The following LRRTM4 variants were observed in gnomAD, a reference collection of about 807,000 sequenced individuals.
The protein encoded by LRRTM4 is leucine-rich repeat transmembrane neuronal protein 4.
A neutral mutation model predicts 47.6 loss-of-function variants in LRRTM4; 25 were observed. The ratio of observed to expected loss-of-function variants is 0.53; its 90% CI spans 0.38 to 0.73. The LOEUF is 0.73. Ranked by LOEUF, LRRTM4 falls within the 30% of genes least tolerant of loss-of-function variation. The pLI, the probability that LRRTM4 is intolerant of heterozygous loss-of-function variation, is 0.00. For missense variants in LRRTM4, 638 were observed against 713.4 expected, an observed-to-expected ratio of 0.89 and a Z score of 1.20; for synonymous variants, 311 against 269.5, an observed-to-expected ratio of 1.15 and a Z score of -1.51.
At chr2:76,781,200 C>A (rs937916779) in intron 3 of LRRTM4, among the ~76,000 whole-genome samples, 1 of 152,256 alleles carries the variant, frequency 6.6e-6, no homozygotes, top group Non-Finnish European at 1.5e-5. Flanking sequence ...TTACTGCTGT[C>A]TTTTTGTTTG....
rs191260396 is a variant in LRRTM4 at position 76,926,432 on chromosome 2, T to C, written c.1552-177516A>G. On this transcript the variant is annotated intron_variant, in intron 3 of 3. Transcript: ENST00000409884. ...TCATCCTCTAATGAAAGTCTATCAT[T>C]GCCTATTTTGTATATGACAAGGAGA... is the stretch of plus-strand genomic sequence containing the variant. Among the ~76,000 whole-genome samples the C allele has an allele frequency of 2.6e-5, 4 of 152,274 alleles. No individual in the cohort carries two copies. The East Asian group carries it at 7.7e-4, about 29-fold the overall frequency.
At chr2:76,842,368 T>C (rs1265916465) in intron 3 of LRRTM4, among the ~76,000 whole-genome samples, 1 of 152,162 alleles carries the variant, frequency 6.6e-6, no homozygotes, top group African/African-American at 2.4e-5. Context: ...ATCATGTAAG[T>C]CAATAGCTTA....
At chr2:77,428,234 T>C (rs746502742) in intron 3 of LRRTM4, among the ~76,000 whole-genome samples, 1 of 152,138 alleles carries the variant, frequency 6.6e-6, no homozygotes, top group Non-Finnish European at 1.5e-5. Context: ...TACCTAGTCT[T>C]GGGCAGTTGT....
At chr2:76,885,614 C>G (rs1573256399) in intron 3 of LRRTM4, among the ~76,000 whole-genome samples, 1 of 151,952 alleles carries the variant, frequency 6.6e-6, no homozygotes, top group South Asian at 2.1e-4. Flanking sequence ...AAGCGCCCAC[C>G]GCCACCACGT....
At position 77,480,783 on chromosome 2, in the gene LRRTM4, G is replaced by GCAGTGTGTGTGTGTGTGTGTGTGT. The variant is rs199521864; in HGVS notation, c.1551+37534_1551+37535insACACACACACACACACACACACTG. Among the ~76,000 whole-genome samples, 3 of 97,108 alleles carry GCAGTGTGTGTGTGTGTGTGTGTGT rather than the reference G, an allele frequency of 3.1e-5. 1 individual carries two copies. The highest frequency in any genetic ancestry group is 1.2e-4 in the African/African-American group (3 of 24,202). The allele number at this position is 97,108 out of a possible 152,430, so 63.7% of individuals were successfully genotyped here. A position where few individuals can be genotyped will look rare whatever the true frequency, so the allele number is the denominator to read the frequency against. ...AAACTTGCTATGTGTGGCTGTTTTAGGAGTGTGTGTGTGTGTGTGTGTGTG... is the reference window on the plus strand; with the variant it reads ...AAACTTGCTATGTGTGGCTGTTTTAGCAGTGTGTGTGTGTGTGTGTGTGTGAGTGTGTGTGTGTGTGTGTGTGTG... On this transcript the variant is annotated intron_variant, in intron 3 of 3. Transcript: ENST00000409884.
intron 3 of LRRTM4, among the ~76,000 whole-genome samples, chr2:77,247,794 A>T (rs1004223457): frequency 5.3e-5 from 8 of 152,000 alleles, no homozygotes; most frequent in Non-Finnish European, 7.4e-5. Context: ...TAATAAAAGA[A>T]GTTTCACATA....
chr2:77,237,092 A>C (rs1341302845), intron 3 of LRRTM4, among the ~76,000 whole-genome samples: 1 of 151,138 alleles, frequency 6.6e-6, no homozygotes, highest in Non-Finnish European at 1.5e-5. Flanking sequence ...TCTTTTGAAT[A>C]GTTACAGTAG....
chr2:76,773,705 A>C (rs1412238387), intron 3 of LRRTM4, among the ~76,000 whole-genome samples: 1 of 151,836 alleles, frequency 6.6e-6, no homozygotes, highest in African/African-American at 2.4e-5. Context: ...CTTTACACAG[A>C]AAAACACATT....
intron 3 of LRRTM4, among the ~76,000 whole-genome samples, chr2:77,223,226 T>A (rs990094866): frequency 1.3e-5 from 2 of 152,264 alleles, no homozygotes; most frequent in South Asian, 4.1e-4. Context: ...ATAAGAGTTA[T>A]CTATGACAAA....
intron 3 of LRRTM4, among the ~76,000 whole-genome samples, chr2:77,206,134 T>A (rs1473190870): frequency 6.6e-6 from 1 of 151,660 alleles, no homozygotes; most frequent in Non-Finnish European, 1.5e-5. Context: ...TGAGCCACCA[T>A]GCCTAGCTGT....
In LRRTM4 at chr2:77,180,056, A is replaced by G. The variant is rs376359403; in HGVS notation, c.1551+338262T>C. 9.8e-4 allele frequency among the ~76,000 whole-genome samples: 150 copies of G among 152,318 alleles called. 5 individuals are homozygous for G. In the South Asian group the frequency reaches 0.03, roughly 31 times the overall value. On this transcript the variant is annotated intron_variant, in intron 3 of 3. Coordinates refer to ENST00000409884, the MANE Select transcript of LRRTM4 (RefSeq NM_001134745.3). ...AAGGCACTTTATTAGAATTGCTTAT[A>G]AGATTTGATCTTGTGTTGGATATCA...
intron 3 of LRRTM4, among the ~76,000 whole-genome samples, chr2:77,060,500 T>C (rs530334383): frequency 2.0e-5 from 3 of 152,300 alleles, no homozygotes; most frequent in Non-Finnish European, 4.4e-5. Context: ...AATATGGCTG[T>C]ATATTTTCTT....
intron 3 of LRRTM4, among the ~76,000 whole-genome samples, chr2:77,091,854 C>T (rs1403678542): frequency 6.9e-6 from 1 of 145,582 alleles, no homozygotes; most frequent in Non-Finnish European, 1.5e-5. Flanking sequence ...CCAATCGTGT[C>T]CAACTGATCT....
chr2:76,837,038 T>C, intron 3 of LRRTM4, among the ~76,000 whole-genome samples: 1 of 152,150 alleles, frequency 6.6e-6, no homozygotes, highest in Non-Finnish European at 1.5e-5. Flanking sequence ...CCTCAGAAGT[T>C]AGGCAATTAT....
intron 3 of LRRTM4, among the ~76,000 whole-genome samples, chr2:77,508,898 C>T (rs1678875284): frequency 6.6e-6 from 1 of 152,062 alleles, no homozygotes; most frequent in South Asian, 2.1e-4. Context: ...AAAACTCCCA[C>T]TTGTGATGTG....
chr2:77,054,919 C>G (rs183039304), intron 3 of LRRTM4, among the ~76,000 whole-genome samples: 1 of 152,302 alleles, frequency 6.6e-6, no homozygotes, highest in Non-Finnish European at 1.5e-5. Flanking sequence ...TTGACTTATT[C>G]ATTTGCAACC....
At chr2:76,910,883 G>T (rs78880422) in intron 3 of LRRTM4, among the ~76,000 whole-genome samples, 4 of 152,034 alleles carry the variant, frequency 2.6e-5, no homozygotes, top group African/African-American at 4.8e-5. Flanking sequence ...TGCATTCTGC[G>T]TCTGTACTAA....
chr2:77,296,630 G>A (rs1676981410), intron 3 of LRRTM4, among the ~76,000 whole-genome samples: 1 of 152,056 alleles, frequency 6.6e-6, no homozygotes, highest in African/African-American at 2.4e-5. Context: ...AGTAAACAAG[G>A]TATAATTGGA....
chr2:77,376,682 A>C (rs1672854657), intron 3 of LRRTM4, among the ~76,000 whole-genome samples: 1 of 151,882 alleles, frequency 6.6e-6, no homozygotes, highest in Admixed American at 6.6e-5. Context: ...CTGCAGAGGT[A>C]AAGTGCTATT....
Sources: allele counts gnomAD v4.1 joint callset (sites outside exome capture counted in the v4.1 genomes callset), GRCh38; gene constraint gnomAD v4.1.1; transcripts MANE v1.5; gene names NCBI Gene and HGNC (gene_info 2026-07-23, HGNC 2026-07-21).